The following CYP39A1 variants were observed in gnomAD, a reference collection of about 807,000 sequenced individuals.
The protein encoded by CYP39A1 is 24-hydroxycholesterol 7-alpha-hydroxylase.
Under a neutral mutation model 58.1 loss-of-function variants are expected in CYP39A1, and 49 were observed. That is an observed-to-expected ratio of 0.84 (90% CI 0.67 to 1.07). The LOEUF (loss-of-function observed/expected upper bound fraction) is 1.07, where lower values mean the gene tolerates loss of function less well. Ranked by LOEUF, CYP39A1 falls within the 50% of genes least tolerant of loss-of-function variation. The probability of loss-of-function intolerance (pLI) is 0.00; values close to 1 mark genes in which losing one functional copy is unlikely to be tolerated. For synonymous variants in CYP39A1, 209 were observed against 187.6 expected, an observed-to-expected ratio of 1.11 and a Z score of -0.93; for missense variants, 531 against 539.4, an observed-to-expected ratio of 0.98 and a Z score of 0.16.
intron 7 of CYP39A1, among the ~76,000 whole-genome samples, chr6:46,613,344 G>T (rs909261253): frequency 5.3e-5 from 8 of 152,156 alleles, no homozygotes; most frequent in Non-Finnish European, 8.8e-5. Flanking sequence ...TCTGAGCAAG[G>T]TTTCTCTTTC....
intron 7 of CYP39A1, among the ~76,000 whole-genome samples, chr6:46,598,192 T>C (rs978282120): frequency 3.3e-5 from 5 of 152,294 alleles, no homozygotes; most frequent in South Asian, 2.1e-4. Context: ...TTACAGGCTT[T>C]GAGAAATCCT....
At chr6:46,586,449 C>T (rs1772478267) in intron 10 of CYP39A1, 1 of 971,890 alleles carries the variant, frequency 1.0e-6, no homozygotes, top group Non-Finnish European at 1.2e-6. Context: ...CTCTCTGAAG[C>T]TTAGAAGAGG....
chr6:46,603,403 C>T (rs1219116720), intron 7 of CYP39A1, among the ~76,000 whole-genome samples: 1 of 152,166 alleles, frequency 6.6e-6, no homozygotes, highest in African/African-American at 2.4e-5. Flanking sequence ...TTGACTATTC[C>T]TCTATCACCT....
intron 5 of CYP39A1, among the ~76,000 whole-genome samples, chr6:46,633,718 G>A (rs1222714691): frequency 2.0e-5 from 3 of 152,042 alleles, no homozygotes; most frequent in African/African-American, 7.2e-5. Flanking sequence ...ATAGCCGGGT[G>A]TGGTGGCATG....
At chr6:46,634,524 C>CTTTTT in intron 5 of CYP39A1, among the ~76,000 whole-genome samples, 1 of 131,278 alleles carries the variant, frequency 7.6e-6, no homozygotes, top group East Asian at 2.3e-4. Context: ...TTTCTTTTTG[C>CTTTTT]TTTTTTTTTT....
rs551349493 is a variant in CYP39A1, at chr6:46,627,584, A to G, written c.841-2076T>C. On this transcript the variant is annotated intron_variant, in intron 6 of 11. Transcript: ENST00000275016. ...CAAACACCTGCCACCACGCATGGCT[A>G]ATTTTTTGTATTTTTAGTAGAGACA... Among the ~76,000 whole-genome samples, 12 of 151,974 alleles carry G rather than the reference A, an allele frequency of 7.9e-5. No homozygotes were observed. In the East Asian group the frequency reaches 2.3e-3, roughly 29 times the overall value.
chr6:46,591,687 T>A (rs556331159), intron 8 of CYP39A1, among the ~76,000 whole-genome samples: 1 of 152,182 alleles, frequency 6.6e-6, no homozygotes, highest in East Asian at 1.9e-4. Flanking sequence ...AAGAGTGTGA[T>A]GGGATCATGA....
intron 10 of CYP39A1, among the ~76,000 whole-genome samples, chr6:46,574,691 T>C (rs1771761023): frequency 6.6e-6 from 1 of 152,122 alleles, no homozygotes; most frequent in South Asian, 2.1e-4. Context: ...CATAGATACA[T>C]ATCCTGCCCA....
At chr6:46,623,011 T>C (rs1050201268) in intron 7 of CYP39A1, among the ~76,000 whole-genome samples, 4 of 152,196 alleles carry the variant, frequency 2.6e-5, no homozygotes, top group African/African-American at 7.2e-5. Context: ...GCAAAGTGCC[T>C]AGAAGTGAGT....
chr6:46,591,073 T>A (rs1183013934), intron 8 of CYP39A1, among the ~76,000 whole-genome samples: 1 of 152,208 alleles, frequency 6.6e-6, no homozygotes, highest in Non-Finnish European at 1.5e-5. Context: ...GTTATTCAAC[T>A]GTTTCCTCAA....
chr6:46,568,756 C>G (rs1771426141), intron 10 of CYP39A1, among the ~76,000 whole-genome samples: 2 of 151,984 alleles, frequency 1.3e-5, no homozygotes, highest in Non-Finnish European at 2.9e-5. Context: ...ACATGTCTAT[C>G]TTTATGTCAA....
intron 10 of CYP39A1, among the ~76,000 whole-genome samples, chr6:46,585,032 G>C (rs377158278): frequency 6.6e-6 from 1 of 152,090 alleles, no homozygotes; most frequent in Non-Finnish European, 1.5e-5. Flanking sequence ...AGAGCTCAGC[G>C]TGCTCTAAAA....
chr6:46,638,098 C>A (rs1192150363), intron 3 of CYP39A1, 120 bp from the exon 4 acceptor site: 13 of 1,004,238 alleles, frequency 1.3e-5, no homozygotes, highest in Non-Finnish European at 1.7e-5. Flanking sequence ...GTGACAGATT[C>A]TCTTGGGAAA....
intron 7 of CYP39A1, among the ~76,000 whole-genome samples, chr6:46,601,455 C>T (rs1189225204): frequency 1.1e-4 from 16 of 152,076 alleles, no homozygotes; most frequent in African/African-American, 2.4e-5. Context: ...CAAATAAAGC[C>T]GTATCTATCC....
chr6:46,621,461 T>TA (rs1380529778), intron 7 of CYP39A1, among the ~76,000 whole-genome samples: 1 of 152,062 alleles, frequency 6.6e-6, no homozygotes, highest in Non-Finnish European at 1.5e-5. Context: ...GGACCCAAAC[T>TA]AAAATCAGGA....
intron 7 of CYP39A1, among the ~76,000 whole-genome samples, chr6:46,622,346 A>G (rs1483864284): frequency 6.6e-6 from 1 of 151,942 alleles, no homozygotes; most frequent in Non-Finnish European, 1.5e-5. Flanking sequence ...ATGATTATAT[A>G]TATATAATTT....
chr6:46,559,918 T>C (rs534194421), intron 10 of CYP39A1, among the ~76,000 whole-genome samples: 12 of 152,316 alleles, frequency 7.9e-5, no homozygotes, highest in African/African-American at 2.9e-4. Context: ...TATATACTTC[T>C]AAGCACTGAA....
chr6:46,582,156 T>C (rs1035920512), intron 10 of CYP39A1, among the ~76,000 whole-genome samples: 1 of 152,192 alleles, frequency 6.6e-6, no homozygotes, highest in Non-Finnish European at 1.5e-5. Context: ...TTTAATTATA[T>C]TTAACAACTA....
At chr6:46,569,074 T>G (rs1057059891) in intron 10 of CYP39A1, among the ~76,000 whole-genome samples, 1 of 152,114 alleles carries the variant, frequency 6.6e-6, no homozygotes, top group Non-Finnish European at 1.5e-5. Context: ...GTTTTATAGT[T>G]TTCAGTGTAT....
Sources: gnomAD v4.1 joint callset for allele counts (sites outside exome capture counted in the v4.1 genomes callset) on GRCh38, gnomAD v4.1.1 for gene constraint, MANE v1.5 for transcripts, NCBI Gene and HGNC (gene_info 2026-07-23, HGNC 2026-07-21) for gene names.